Variants in TBC1D24 observed in about 807,000 individuals in gnomAD.
TBC1D24 encodes the protein Infantile myoclonic epilepsy.
TBC1D24 carries 47 observed loss-of-function variants against 50.7 expected under a neutral mutation model. The ratio of observed to expected loss-of-function variants is 0.93; its 90% confidence interval spans 0.73 to 1.18. The LOEUF (loss-of-function observed/expected upper bound fraction) is 1.18, where lower values mean the gene tolerates loss of function less well. TBC1D24 is among the 50% of genes most tolerant of loss of function. The probability of loss-of-function intolerance (pLI) is 0.00; values close to 1 mark genes in which losing one functional copy is unlikely to be tolerated. For missense variants in TBC1D24, 688 were observed against 766.5 expected, an observed-to-expected ratio of 0.90 and a Z score of 1.21; for synonymous variants, 324 against 335.2, an observed-to-expected ratio of 0.97 and a Z score of 0.36.
chr16:2,500,960 G>C lies in TBC1D24; in HGVS notation c.*2G>C, dbSNP rs780054979. ...TTCCAGGACCCTGACACCCAGTGAC[G>C]GCCTGTGCCACGGTGACTGAGCCGT... On this transcript the variant is annotated 3_prime_UTR_variant, in exon 8 of 8. Coordinates refer to ENST00000646147, the MANE Select transcript of TBC1D24 (RefSeq NM_001199107.2). The surrounding 1 kb of genome is among the most constrained non-coding windows in gnomAD (Gnocchi z 8.0). 6 of 1,609,728 alleles carry C rather than the reference G, an allele frequency of 3.7e-6. No individual in the cohort carries two copies. The highest frequency in any genetic ancestry group is 4.2e-6 in the Non-Finnish European group (5 of 1,179,884).
chr16:2,500,511 C>T lies in TBC1D24; in HGVS notation c.1525+21C>T, dbSNP rs529334119. The stretch of plus-strand genomic sequence containing the variant: ...CGTCGGTGAGCGCCAGCAGACGGGG[C>T]TCTGGGATGAGGGTGTGGGGTCCGG... On this transcript the variant is annotated intron_variant, in intron 7 of 7. Coordinates refer to ENST00000646147, the MANE Select transcript of TBC1D24 (RefSeq NM_001199107.2). The surrounding 1 kb of genome is among the most constrained non-coding windows in gnomAD (Gnocchi z 8.0). 1 of 1,544,608 alleles carries T rather than the reference C, an allele frequency of 6.5e-7. No homozygotes were observed. Among genetic ancestry groups the T allele is most frequent in the African/African-American group, 1.4e-5 (1 of 73,274 alleles).
intron 2 of TBC1D24, 68 bp downstream of exon 2, chr16:2,497,181 G>A: frequency 6.3e-7 from 1 of 1,591,010 alleles, no homozygotes; most frequent in East Asian, 2.2e-5. Flanking sequence ...TGTCTGGCGT[G>A]AGCTCATCCT....
At chr16:2,498,135 T>A (rs1265712688) in intron 3 of TBC1D24, 103 bp from the exon 4 acceptor site, 1 of 1,454,242 alleles carries the variant, frequency 6.9e-7, no homozygotes, top group Non-Finnish European at 9.3e-7. Flanking sequence ...GGCGAGAAGT[T>A]CCCTCTGGGT....
rs1450949399 is a variant in TBC1D24, at chr16:2,499,397, C to T, written c.1183C>T (p.Leu395Phe). The change falls in exon 5 of 8, where the codon CTC becomes TTC. Residue 395 changes from leucine to phenylalanine, a missense_variant. Physicochemically the swap from Leu to Phe is conservative, Grantham distance 22 (BLOSUM62 0). Coordinates refer to ENST00000646147, the MANE Select transcript of TBC1D24 (RefSeq NM_001199107.2). The surrounding 1 kb of genome is among the most constrained non-coding windows in gnomAD (Gnocchi z 4.0). ...TGAAGGACATGAGCCTACCCTCTTG[C>T]TCATCAAGACCACGCAGAAGGAGGT... ...QCEGHEPTLLLIKTTQKEVCG... is the reference protein window; with the variant it reads ...QCEGHEPTLLFIKTTQKEVCG... The T allele has an allele frequency of 6.2e-7, 1 of 1,613,712 alleles. No homozygotes were observed. Among genetic ancestry groups the T allele is most frequent in the Admixed American group, 1.7e-5 (1 of 59,986 alleles).
intron 1 of TBC1D24, among the ~76,000 whole-genome samples, chr16:2,492,589 G>A (rs1046722108): frequency 6.6e-6 from 1 of 152,190 alleles, no homozygotes; most frequent in African/African-American, 2.4e-5. Context: ...GATGTAAGCT[G>A]TGGATAACCG....
In TBC1D24 at chr16:2,500,773, T is replaced by G. The variant is rs772314068; in HGVS notation, c.1526-31T>G. On this transcript the variant is annotated intron_variant, in intron 7 of 7. Transcript: ENST00000646147. The surrounding 1 kb of genome is among the most constrained non-coding windows in gnomAD (Gnocchi z 8.0). ...GCCTGGGTCAGTGCTGATAGGGCAG[T>G]CAGGCCGCCACTGACCTGAGCATCC... 6.3e-7 allele frequency: 1 copy of G among 1,587,302 alleles called. No homozygotes were observed. Among genetic ancestry groups the G allele is most frequent in the Non-Finnish European group, 8.5e-7 (1 of 1,173,044 alleles).
At position 2,500,808 on chromosome 16, in the gene TBC1D24, A is replaced by G. The variant is rs749232409; in HGVS notation, c.1530A>G (p.Gly510=). ...ACTGACCTGAGCATCCTGCAGGGGG[A>G]GGAGGCGGCCAGGCGCTCTACATCG... ...AGGSDCLIVG[G]GGGQALYIDG... is the part of the protein sequence containing the mutation. Residue 510 remains glycine (G), a synonymous_variant, in exon 8 of 8, where the codon GGA becomes GGG. Coordinates refer to ENST00000646147, the MANE Select transcript of TBC1D24 (RefSeq NM_001199107.2). This position sits in a 1 kb window ranked among gnomAD's most constrained non-coding sequence, Gnocchi z 8.0. 3.7e-6 allele frequency: 6 copies of G among 1,603,864 alleles called. No individual in the cohort carries two copies. Among genetic ancestry groups the G allele is most frequent in the Non-Finnish European group, 5.1e-6 (6 of 1,179,422 alleles).
Position 2,503,971 on chromosome 16 carries a change from A to G in TBC1D24, c.*3013A>G, listed in dbSNP as rs2065814879. The G allele has an allele frequency of 1.3e-5, 2 of 152,252 alleles. No homozygotes were observed. Among genetic ancestry groups the G allele is most frequent in the Admixed American group, 1.3e-4 (2 of 15,278 alleles). 9.4% of individuals were successfully genotyped at this position (152,252 alleles called of 1,614,324 possible). On this transcript the variant is annotated 3_prime_UTR_variant, in exon 8 of 8. Transcript: ENST00000646147. ...AATAGTTTATTAAATGAATTCATTA[A>G]AGCAGATTATATGCCTTTGGGGCTT...
In TBC1D24 at chr16:2,489,915, C is replaced by T. The variant is rs899412026; in HGVS notation, c.-115-6119C>T. Reference sequence around the variant, plus strand: ...CCCATCCCTTGCCAGTTTCCCACTGCGCTTGGAATATAATCCACGGGGGCT... The same window carrying T: ...CCCATCCCTTGCCAGTTTCCCACTGTGCTTGGAATATAATCCACGGGGGCT... On this transcript the variant is annotated intron_variant, in intron 1 of 7. Coordinates refer to ENST00000646147, the MANE Select transcript of TBC1D24 (RefSeq NM_001199107.2). 4.6e-5 allele frequency among the ~76,000 whole-genome samples: 7 copies of T among 152,230 alleles called. 1 individual carries two copies. Among genetic ancestry groups the T allele is most frequent in the Admixed American group, 1.3e-4 (2 of 15,282 alleles).
intron 1 of TBC1D24, among the ~76,000 whole-genome samples, chr16:2,494,585 G>C (rs73490281): frequency 0.045 from 6,852 of 151,810 alleles, 527 homozygotes; most frequent in African/African-American, 0.16. Flanking sequence ...TCTTTTTTTG[G>C]TAGAGATGGG....
rs1294942451 is a variant in TBC1D24, at chr16:2,500,969, C to A, written c.*11C>A. ...CCTGACACCCAGTGACGGCCTGTGC[C>A]ACGGTGACTGAGCCGTGGTGGGGCG... On this transcript the variant is annotated 3_prime_UTR_variant, in exon 8 of 8. Coordinates refer to ENST00000646147, the MANE Select transcript of TBC1D24 (RefSeq NM_001199107.2). The surrounding 1 kb of genome is among the most constrained non-coding windows in gnomAD (Gnocchi z 8.0). 6.2e-7 allele frequency: 1 copy of A among 1,608,640 alleles called. No individual in the cohort carries two copies.
At chr16:2,497,853 C>T in intron 3 of TBC1D24, 126 bp downstream of exon 3, 1 of 971,050 alleles carries the variant, frequency 1.0e-6, no homozygotes, top group Non-Finnish European at 1.6e-6. Flanking sequence ...TGCCTCTGAG[C>T]CGGACTGATG....
chr16:2,493,911 C>G (rs1272115919), intron 1 of TBC1D24, among the ~76,000 whole-genome samples: 3 of 152,234 alleles, frequency 2.0e-5, no homozygotes, highest in Non-Finnish European at 4.4e-5. Context: ...CAGAAATGTG[C>G]AGTTTTAAAG....
Position 2,500,993 on chromosome 16 carries a change from C to G in TBC1D24, c.*35C>G. On this transcript the variant is annotated 3_prime_UTR_variant, in exon 8 of 8. Coordinates refer to ENST00000646147, the MANE Select transcript of TBC1D24 (RefSeq NM_001199107.2). This position sits in a 1 kb window ranked among gnomAD's most constrained non-coding sequence, Gnocchi z 8.0. ...CCACGGTGACTGAGCCGTGGTGGGG[C>G]GGTGGGCCGAGGCTGGGCTGCCGCC... 6.2e-7 allele frequency: 1 copy of G among 1,604,058 alleles called. No homozygotes were observed. Among genetic ancestry groups the G allele is most frequent in the Non-Finnish European group, 8.5e-7 (1 of 1,179,468 alleles).
intron 1 of TBC1D24, chr16:2,484,362 C>G (rs1300457731): frequency 6.6e-6 from 1 of 152,404 alleles, no homozygotes; most frequent in Non-Finnish European, 1.5e-5. Context: ...TAGAGCAAGT[C>G]TTGTATTTCC....
chr16:2,475,191 C>A lies in TBC1D24; in HGVS notation c.-116+21C>A, dbSNP rs1260206527. 1 of 141,826 alleles carries A rather than the reference C, an allele frequency of 7.1e-6. No homozygotes were observed. The highest frequency in any genetic ancestry group is 2.1e-4 in the South Asian group (1 of 4,702). The allele number at this position is 141,826 out of a possible 1,614,324, so 8.8% of individuals were successfully genotyped here. On this transcript the variant is annotated intron_variant, in intron 1 of 7. Transcript: ENST00000646147. The surrounding 1 kb of genome is among the most constrained non-coding windows in gnomAD (Gnocchi z 4.2). ...CGGAGGTGGGTGCGCTCGGGGCGTGCGGGGGGCGCGCGGCGGGGTGGCGGG... is the reference window on the plus strand; with the variant it reads ...CGGAGGTGGGTGCGCTCGGGGCGTGAGGGGGGCGCGCGGCGGGGTGGCGGG...
Position 2,496,857 on chromosome 16 carries a change from T to C in TBC1D24, c.709T>C (p.Tyr237His), listed in dbSNP as rs772683990. The C allele has an allele frequency of 6.2e-7, 1 of 1,614,100 alleles. No individual in the cohort carries two copies. The highest frequency in any genetic ancestry group is 1.1e-5 in the South Asian group (1 of 91,080). Residue 237 changes from tyrosine (Y) to histidine (H), a missense_variant, in exon 2 of 8, where the codon TAC (tyrosine) becomes CAC (histidine). By Grantham distance (83) the Tyr-to-His change is moderately conservative. Coordinates refer to ENST00000646147, the MANE Select transcript of TBC1D24 (RefSeq NM_001199107.2). ...RVFDVFLVEG[Y>H]KVLYRVALAI... ...CTTTGACGTCTTCCTGGTGGAGGGC[T>C]ACAAGGTGCTGTACCGCGTGGCGCT...
At chr16:2,494,923 A>G (rs1477890747) in intron 1 of TBC1D24, among the ~76,000 whole-genome samples, 1 of 151,574 alleles carries the variant, frequency 6.6e-6, no homozygotes, top group East Asian at 1.9e-4. Flanking sequence ...CGTGACTCTC[A>G]CTCGTAATTC....
chr16:2,496,880 G>A lies in TBC1D24; in HGVS notation c.732G>A (p.Ala244=), dbSNP rs554758752. The change falls in exon 2 of 8, where the codon GCG becomes GCA. Residue 244 remains alanine (A), a synonymous_variant. Transcript: ENST00000646147. ...GCTACAAGGTGCTGTACCGCGTGGC[G>A]CTGGCCATCCTCAAGTTCTTCCACA... ...VEGYKVLYRV[A]LAILKFFHKV... is the part of the protein sequence containing the mutation. 28 of 1,613,980 alleles carry A rather than the reference G, an allele frequency of 1.7e-5. No individual in the cohort carries two copies. Among genetic ancestry groups the A allele is most frequent in the Admixed American group, 5.0e-5 (3 of 60,014 alleles).
Sources: allele counts gnomAD v4.1 joint callset (sites outside exome capture counted in the v4.1 genomes callset), GRCh38; gene constraint gnomAD v4.1.1; non-coding constraint Gnocchi (gnomAD v3.1); transcripts MANE v1.5; gene names NCBI Gene and HGNC (gene_info 2026-07-23, HGNC 2026-07-21).